The following MPDZ variants were observed in gnomAD, a reference collection of about 807,000 sequenced individuals.
MPDZ encodes the protein multiple PDZ domain crumbs cell polarity complex component.
Under a neutral mutation model 239.1 loss-of-function variants are expected in MPDZ, and 234 were observed. That is an observed-to-expected ratio of 0.98 (90% confidence interval 0.88 to 1.09). The LOEUF is 1.09. MPDZ is among the 50% of genes least tolerant of loss of function. MPDZ has a pLI of 0.00. For synonymous variants in MPDZ, 1,048 were observed against 881.3 expected (o/e 1.19, Z -3.35); for missense variants, 3,175 against 2,510.0 (o/e 1.26, Z -5.66).
intron 3 of MPDZ, among the ~76,000 whole-genome samples, chr9:13,235,911 G>A (rs185146761): frequency 6.5e-4 from 99 of 151,986 alleles, no homozygotes; most frequent in Middle Eastern, 3.4e-3. Context: ...TATTTGGGAA[G>A]GTGTACCTGG....
At chr9:13,126,248 T>C (rs190800307) in intron 34 of MPDZ, among the ~76,000 whole-genome samples, 134 of 152,232 alleles carry the variant, frequency 8.8e-4, no homozygotes, top group Middle Eastern at 6.8e-3. Context: ...TGTTAAGGAG[T>C]TTAAAGTTTT....
intron 32 of MPDZ, among the ~76,000 whole-genome samples, chr9:13,128,680 C>G (rs1230818618): frequency 6.6e-6 from 1 of 152,114 alleles, no homozygotes; most frequent in Admixed American, 6.6e-5. Flanking sequence ...AATTACAGTC[C>G]CATGGTCACA....
intron 37 of MPDZ, 44 bp downstream of exon 37, chr9:13,122,043 C>G (rs745426340): frequency 1.2e-6 from 2 of 1,608,460 alleles, no homozygotes; most frequent in Non-Finnish European, 1.7e-6. Flanking sequence ...CCCCAGGAGC[C>G]TTTTCTCTGT....
intron 45 of MPDZ, among the ~76,000 whole-genome samples, 194 bp from the exon 46 acceptor site, chr9:13,109,253 T>C (rs1409986613): frequency 6.6e-6 from 1 of 152,130 alleles, no homozygotes; most frequent in Non-Finnish European, 1.5e-5. Flanking sequence ...TTACATAATC[T>C]AATGAAATCC....
chr9:13,138,049 G>A lies in MPDZ; in HGVS notation c.4108C>T (p.Arg1370Ter), dbSNP rs192114602. Residue 1370 changes from arginine (R) to a stop codon, truncating the protein, a stop_gained, in exon 29 of 47, where the codon CGA becomes TGA. Transcript: ENST00000319217. LOFTEE classifies it high-confidence loss of function. The stretch of plus-strand genomic sequence containing the variant: ...ACTATGAAGACACTCATCCTGGATC[G>A]GTCTTTGTTCCCAGCAAGACTTAGG... ...LGLSLAGNKD[R>*]SRMSVFIVGI... The A allele has an allele frequency of 6.2e-6, 10 of 1,613,750 alleles. No individual in the cohort carries two copies. Among genetic ancestry groups the A allele is most frequent in the Admixed American group, 5.0e-5 (3 of 60,008 alleles).
chr9:13,118,968 A>T (rs757995001), intron 39 of MPDZ, among the ~76,000 whole-genome samples: 1 of 152,194 alleles, frequency 6.6e-6, no homozygotes, highest in African/African-American at 2.4e-5. Context: ...CCTTCGTTGC[A>T]TAAGGATGAC....
chr9:13,232,972 AAAC>A (rs1962941977), intron 3 of MPDZ, among the ~76,000 whole-genome samples: 1 of 152,098 alleles, frequency 6.6e-6, no homozygotes, highest in Non-Finnish European at 1.5e-5. Flanking sequence ...ATGCAAATTA[AAAC>A]AATAAAATGA....
intron 1 of MPDZ, among the ~76,000 whole-genome samples, chr9:13,261,764 G>A (rs1230362120): frequency 6.6e-6 from 1 of 151,498 alleles, no homozygotes; most frequent in African/African-American, 2.4e-5. Context: ...GAGTATGGTG[G>A]CTCATACCTG....
Position 13,126,759 on chromosome 9 carries a change from A to C in MPDZ, c.4478T>G (p.Leu1493Trp), listed in dbSNP as rs1167924208. 6.2e-6 allele frequency: 10 copies of C among 1,613,778 alleles called. No individual in the cohort carries two copies. Among genetic ancestry groups the C allele is most frequent in the Non-Finnish European group, 8.5e-6 (10 of 1,179,732 alleles). Residue 1493 changes from leucine to tryptophan, a missense_variant, in exon 33 of 47, where the codon TTG (leucine) becomes TGG (tryptophan). By Grantham distance (61) the Leu-to-Trp change is moderately conservative (BLOSUM62 -2). Coordinates refer to ENST00000319217, the MANE Select transcript of MPDZ (RefSeq NM_001378778.1). ...HLELPKDQGG[L>W]GIAISEEDTL... ...ATCTTCTTCGCTGATAGCAATACCC[A>C]AACCCCCCTGATCCTAGAAAAGTAA...
chr9:13,148,383 G>C (rs1440419292), intron 25 of MPDZ, among the ~76,000 whole-genome samples: 6 of 151,918 alleles, frequency 3.9e-5, no homozygotes, highest in Non-Finnish European at 5.9e-5. Flanking sequence ...AAAACTATAG[G>C]ATGTTAGTAT....
intron 40 of MPDZ, 73 bp downstream of exon 40, chr9:13,115,175 C>G (rs1274318069): frequency 2.3e-6 from 3 of 1,323,178 alleles, no homozygotes; most frequent in Non-Finnish European, 3.2e-6. Context: ...TACACAGACC[C>G]ACAGTCAGGG....
chr9:13,162,358 A>C (rs189526798), intron 23 of MPDZ, among the ~76,000 whole-genome samples: 6 of 152,156 alleles, frequency 3.9e-5, no homozygotes, highest in Non-Finnish European at 7.4e-5. Context: ...TTAAAAGAGT[A>C]AAAAAATCAT....
chr9:13,269,679 A>G (rs1371464448), intron 1 of MPDZ, among the ~76,000 whole-genome samples: 1 of 152,256 alleles, frequency 6.6e-6, no homozygotes, highest in African/African-American at 2.4e-5. Context: ...AATCTGTACC[A>G]AAGAATTCCT....
intron 1 of MPDZ, among the ~76,000 whole-genome samples, chr9:13,253,225 TA>T (rs370161594): frequency 9.7e-5 from 14 of 143,742 alleles, no homozygotes; most frequent in Admixed American, 2.1e-4. Flanking sequence ...ACACAAAGGT[TA>T]AAAAAAAAAA....
intron 24 of MPDZ, among the ~76,000 whole-genome samples, chr9:13,154,535 G>A (rs1949591807): frequency 6.6e-6 from 1 of 152,016 alleles, no homozygotes; most frequent in South Asian, 2.1e-4. Flanking sequence ...CCTCAGCTGT[G>A]AAATACAGCC....
rs1034785418 is a variant in MPDZ, at chr9:13,186,265, C to T, written c.2481+5G>A. 3 of 1,557,822 alleles carry T rather than the reference C, an allele frequency of 1.9e-6. No individual in the cohort carries two copies. In the African/African-American group the frequency reaches 4.1e-5, roughly 21 times the overall value. ...AAGAAAGCTTGATAAGTCATAGCCACTAACCAGAGCCAAGTCAGCCCTGAA... is the reference window on the plus strand; with the variant it reads ...AAGAAAGCTTGATAAGTCATAGCCATTAACCAGAGCCAAGTCAGCCCTGAA... On this transcript the variant is annotated splice_donor_5th_base_variant and intron_variant, in intron 18 of 46. Transcript: ENST00000319217.
intron 17 of MPDZ, among the ~76,000 whole-genome samples, chr9:13,188,190 T>C (rs1954392614): frequency 6.6e-6 from 1 of 152,172 alleles, no homozygotes; most frequent in African/African-American, 2.4e-5. Flanking sequence ...TGAAAATATT[T>C]GATTTTGCAT....
At chr9:13,255,659 G>A (rs117757625) in intron 1 of MPDZ, among the ~76,000 whole-genome samples, 2 of 152,184 alleles carry the variant, frequency 1.3e-5, no homozygotes, top group Non-Finnish European at 2.9e-5. Flanking sequence ...TCAATGAGCA[G>A]TAATATATTT....
At chr9:13,279,319 CCGCGCACCTTCCCCGCCGGCGCG>C (rs1297470172) in intron 1 of MPDZ, 58 bp downstream of exon 1, 2 of 135,626 alleles carry the variant, frequency 1.5e-5, no homozygotes, top group African/African-American at 5.2e-5. Context: ...CCCAGGGCGC[CCGCGCACCTTCCCCGCCGGCGCG>C]CGCGCAGGGC....
Sources: gnomAD v4.1 joint callset for allele counts (sites outside exome capture counted in the v4.1 genomes callset) on GRCh38, gnomAD v4.1.1 for gene constraint, MANE v1.5 for transcripts, NCBI Gene and HGNC (gene_info 2026-07-23, HGNC 2026-07-21) for gene names.